Variants in NUDT4 observed in about 807,000 individuals in gnomAD.
NUDT4 encodes nudix hydrolase 4.
In NUDT4, 5 loss-of-function variants were observed where a neutral mutation model predicts 23.1. The ratio of observed to expected loss-of-function variants is 0.22; its 90% CI spans 0.11 to 0.46. The LOEUF (loss-of-function observed/expected upper bound fraction) is 0.46. NUDT4 is among the 20% of genes least tolerant of loss of function. The probability of loss-of-function intolerance (pLI) is 0.99; values close to 1 mark genes in which losing one functional copy is unlikely to be tolerated. For missense variants in NUDT4, 96 were observed against 211.6 expected, an observed-to-expected ratio of 0.45 and a Z score of 3.39; for synonymous variants, 50 against 79.0, an observed-to-expected ratio of 0.63 and a Z score of 1.95.
rs557115996 is a variant in NUDT4, at chr12:93,387,264, G to T, written c.100-7345G>T. Among the ~76,000 whole-genome samples the T allele has an allele frequency of 2.0e-5, 3 of 152,252 alleles. No individual in the cohort carries two copies. The East Asian group carries it at 5.8e-4, about 29-fold the overall frequency. On this transcript the variant is annotated intron_variant, in intron 1 of 4. Transcript: ENST00000415493. ...TTTATTTGCATGCTCTTTACAAAAC[G>T]TGTTTTTTCAAGCTGAATTGCTTTA...
intron 1 of NUDT4, among the ~76,000 whole-genome samples, chr12:93,388,648 C>T (rs1382489318): frequency 1.3e-5 from 2 of 152,154 alleles, no homozygotes; most frequent in Non-Finnish European, 2.9e-5. Flanking sequence ...TTCCTGCTAG[C>T]CCATTTTCAT....
intron 3 of NUDT4, among the ~76,000 whole-genome samples, chr12:93,396,383 C>G (rs1158604463): frequency 6.6e-6 from 1 of 152,178 alleles, no homozygotes; most frequent in East Asian, 1.9e-4. Context: ...TAGGCAGTCT[C>G]TGGAAGCCAG....
rs1321282542 is a variant in NUDT4 at position 93,385,939 on chromosome 12, TTTTATATA to T, written c.99+7520_99+7527del. 2.9e-3 allele frequency among the ~76,000 whole-genome samples: 162 copies of T among 55,172 alleles called. 1 individual carries two copies. Among genetic ancestry groups the T allele is most frequent in the Non-Finnish European group, 4.5e-3 (133 of 29,686 alleles). 36.2% of individuals were successfully genotyped at this position (55,172 alleles called of 152,430 possible). On this transcript the variant is annotated intron_variant, in intron 1 of 4. Transcript: ENST00000415493. ...TTATATATATATATATAGTAAATCT[TTTTATATA>T]TATATATATATATATATATATATAC...
rs1217074414 is a variant in NUDT4 at position 93,407,663 on chromosome 12, T to C, written c.*8284T>C. 1.3e-5 allele frequency: 2 copies of C among 152,200 alleles called. No individual in the cohort carries two copies. Among genetic ancestry groups the C allele is most frequent in the Non-Finnish European group, 2.9e-5 (2 of 68,048 alleles). 9.4% of individuals were successfully genotyped at this position (152,200 alleles called of 1,614,324 possible). ...ATTCAAAAGTTACCCGAATTCTGGA[T>C]TTTCATGCAAATCTCCCAATTTTTA... On this transcript the variant is annotated 3_prime_UTR_variant, in exon 5 of 5. Coordinates refer to ENST00000415493, the MANE Select transcript of NUDT4 (RefSeq NM_019094.6).
In NUDT4 at chr12:93,398,809, A is replaced by G. The variant is rs111893920; in HGVS notation, c.294A>G (p.Leu98=). ...DRKHRTYVYV[L]TVTEILEDWE... ...AGCACAGAACATATGTTTATGTTCT[A>G]ACAGTCACTGAAATATTAGAAGATT... The change falls in exon 4 of 5, where the codon CTA becomes CTG. Residue 98 remains leucine, a synonymous_variant. Transcript: ENST00000415493. 4.2e-5 allele frequency: 67 copies of G among 1,607,258 alleles called. No homozygotes were observed. The African/African-American group carries it at 6.9e-4, about 17-fold the overall frequency.
At chr12:93,393,517 T>A (rs1414722163) in intron 1 of NUDT4, among the ~76,000 whole-genome samples, 1 of 152,208 alleles carries the variant, frequency 6.6e-6, no homozygotes, top group African/African-American at 2.4e-5. Flanking sequence ...CTGCTTTGAC[T>A]CTGCTGTTGC....
At chr12:93,390,687 C>G (rs1392276942) in intron 1 of NUDT4, among the ~76,000 whole-genome samples, 1 of 152,114 alleles carries the variant, frequency 6.6e-6, no homozygotes, top group Non-Finnish European at 1.5e-5. Context: ...TCACTGTAAC[C>G]TCGACCTCCT....
chr12:93,402,661 C>T lies in NUDT4; in HGVS notation c.*3282C>T, dbSNP rs1877544267. On this transcript the variant is annotated 3_prime_UTR_variant, in exon 5 of 5. Coordinates refer to ENST00000415493, the MANE Select transcript of NUDT4 (RefSeq NM_019094.6). ...ATGGATATTTTCAGTCTCAATGTTG[C>T]CAGTCTAATAGTATAGTATGTGGTT... 6.6e-6 allele frequency: 1 copy of T among 152,116 alleles called. No individual in the cohort carries two copies. Among genetic ancestry groups the T allele is most frequent in the Admixed American group, 6.6e-5 (1 of 15,260 alleles). 9.4% of individuals were successfully genotyped at this position (152,116 alleles called of 1,614,324 possible).
chr12:93,380,409 A>G (rs1421682871), intron 1 of NUDT4, among the ~76,000 whole-genome samples: 1 of 152,246 alleles, frequency 6.6e-6, no homozygotes, highest in Non-Finnish European at 1.5e-5. Context: ...TGAAATAAAT[A>G]CTAAATTCAT....
At chr12:93,382,674 CTTTTT>C (rs11315217) in intron 1 of NUDT4, among the ~76,000 whole-genome samples, 1 of 111,650 alleles carries the variant, frequency 9.0e-6, no homozygotes. Context: ...CAAAGGTAGC[CTTTTT>C]TTTTTTTTTT....
chr12:93,395,455 G>A, intron 2 of NUDT4, 34 bp from the exon 3 acceptor site: 1 of 1,490,720 alleles, frequency 6.7e-7, no homozygotes, highest in Non-Finnish European at 9.4e-7. Flanking sequence ...GTTATAAAAA[G>A]GTAAACATTT....
rs35534090 is a variant in NUDT4 at position 93,402,841 on chromosome 12, A to AC, written c.*3464dup. 5,742 of 130,642 alleles carry AC rather than the reference A, an allele frequency of 0.044. 123 individuals carry two copies. The highest frequency in any genetic ancestry group is 0.06 in the South Asian group (238 of 3,944). 8.1% of individuals were successfully genotyped at this position (130,642 alleles called of 1,614,324 possible). ...ATTTAAAAGCATAACTGGCTAAGTC[A>AC]CCGCCCCACCCGCCGCATTACATTT... On this transcript the variant is annotated 3_prime_UTR_variant, in exon 5 of 5. Coordinates refer to ENST00000415493, the MANE Select transcript of NUDT4 (RefSeq NM_019094.6).
chr12:93,397,518 TTTTA>T (rs1038675736), intron 3 of NUDT4, among the ~76,000 whole-genome samples: 2 of 150,810 alleles, frequency 1.3e-5, no homozygotes, highest in Admixed American at 1.3e-4. Flanking sequence ...CAGTTGCCTG[TTTTA>T]TTTAATTTAT....
At chr12:93,383,660 C>T (rs930834496) in intron 1 of NUDT4, among the ~76,000 whole-genome samples, 1 of 152,174 alleles carries the variant, frequency 6.6e-6, no homozygotes, top group African/African-American at 2.4e-5. Context: ...GGCAAAACCT[C>T]GTCTCTACTA....
chr12:93,388,928 G>A (rs1416443916), intron 1 of NUDT4, among the ~76,000 whole-genome samples: 1 of 152,170 alleles, frequency 6.6e-6, no homozygotes, highest in African/African-American at 2.4e-5. Flanking sequence ...AAGCATGAAA[G>A]GTTCAAAAGT....
In NUDT4 at chr12:93,400,973, A is replaced by T. The variant is rs1340317698; in HGVS notation, c.*1594A>T. On this transcript the variant is annotated 3_prime_UTR_variant, in exon 5 of 5. Transcript: ENST00000415493. ...TTGTAACTGGGGAGTATAGAGTAGA[A>T]AAAAAGTATAGTTAAAACATTTGTT... 6.6e-6 allele frequency: 1 copy of T among 152,164 alleles called. No individual in the cohort carries two copies. Among genetic ancestry groups the T allele is most frequent in the African/African-American group, 2.4e-5 (1 of 41,470 alleles). The allele number at this position is 152,164 out of a possible 1,614,324, so 9.4% of individuals were successfully genotyped here. A position where few individuals can be genotyped will look rare whatever the true frequency, so the allele number is the denominator to read the frequency against.
At chr12:93,397,576 T>C (rs1440818215) in intron 3 of NUDT4, among the ~76,000 whole-genome samples, 1 of 152,126 alleles carries the variant, frequency 6.6e-6, no homozygotes, top group East Asian at 1.9e-4. Context: ...ATCCAGGCTT[T>C]AGTGCAGTGG....
At chr12:93,390,841 G>A (rs1876444781) in intron 1 of NUDT4, among the ~76,000 whole-genome samples, 1 of 152,120 alleles carries the variant, frequency 6.6e-6, no homozygotes, top group Admixed American at 6.5e-5. Context: ...GCCCGCCTTG[G>A]CCTCCCAAAG....
intron 1 of NUDT4, among the ~76,000 whole-genome samples, chr12:93,388,289 T>C (rs574648262): frequency 6.6e-6 from 1 of 152,244 alleles, no homozygotes; most frequent in Non-Finnish European, 1.5e-5. Context: ...TATAATGATA[T>C]AGATTTATAT....
Sources: allele counts gnomAD v4.1 joint callset (sites outside exome capture counted in the v4.1 genomes callset), GRCh38; gene constraint gnomAD v4.1.1; transcripts MANE v1.5; gene names NCBI Gene and HGNC (gene_info 2026-07-23, HGNC 2026-07-21).